The following SMAP2 variants were observed in gnomAD, a reference collection of about 807,000 sequenced individuals.
SMAP2 encodes the protein stromal membrane-associated protein 2.
SMAP2 carries 25 observed loss-of-function variants against 56.4 expected under a neutral mutation model. The ratio of observed to expected loss-of-function variants is 0.44; its 90% CI spans 0.32 to 0.62. The LOEUF is 0.62. SMAP2 is among the 20% of genes least tolerant of loss of function. The pLI, the probability that SMAP2 is intolerant of heterozygous loss-of-function variation, is 0.04. For synonymous variants in SMAP2, 157 were observed against 181.7 expected (o/e 0.86, Z 1.09); for missense variants, 388 against 545.6 (o/e 0.71, Z 2.88).
At chr1:40,420,791 A>T (rs946104993) in intron 9 of SMAP2, among the ~76,000 whole-genome samples, 1 of 152,230 alleles carries the variant, frequency 6.6e-6, no homozygotes, top group Non-Finnish European at 1.5e-5. Flanking sequence ...ATTGAGGGGT[A>T]TGCTACAAAA....
At chr1:40,415,978 G>A (rs975513469) in intron 7 of SMAP2, among the ~76,000 whole-genome samples, 198 bp from the exon 8 acceptor site, 4 of 152,100 alleles carry the variant, frequency 2.6e-5, no homozygotes, top group African/African-American at 9.7e-5. Context: ...CACATGTTTT[G>A]GTGAAAGGAA....
At chr1:40,351,825 A>T (rs1418550705) in intron 1 of SMAP2, among the ~76,000 whole-genome samples, 1 of 151,698 alleles carries the variant, frequency 6.6e-6, no homozygotes, top group Admixed American at 6.6e-5. Context: ...TTTAATAGAG[A>T]CATGGCTTTA....
At chr1:40,389,114 C>T (rs1288323987) in intron 1 of SMAP2, among the ~76,000 whole-genome samples, 2 of 152,232 alleles carry the variant, frequency 1.3e-5, no homozygotes, top group Non-Finnish European at 2.9e-5. Flanking sequence ...CGGCTTCATT[C>T]TTGAAGTCAG....
chr1:40,391,148 A>G (rs899671746), intron 1 of SMAP2, among the ~76,000 whole-genome samples: 1 of 152,128 alleles, frequency 6.6e-6, no homozygotes, highest in African/African-American at 2.4e-5. Flanking sequence ...AGACATCAGC[A>G]TTGCCCCTTG....
At chr1:40,377,993 T>C (rs1374776217) in intron 1 of SMAP2, among the ~76,000 whole-genome samples, 2 of 152,240 alleles carry the variant, frequency 1.3e-5, no homozygotes, top group African/African-American at 4.8e-5. Context: ...AGATTACTTA[T>C]AATATCTAAT....
chr1:40,401,777 G>A (rs1317764039), intron 1 of SMAP2, among the ~76,000 whole-genome samples: 1 of 152,176 alleles, frequency 6.6e-6, no homozygotes, highest in East Asian at 1.9e-4. Flanking sequence ...GGAGACATAA[G>A]CCCTAGAGAA....
intron 1 of SMAP2, among the ~76,000 whole-genome samples, chr1:40,345,747 C>T (rs1021556872): frequency 1.3e-5 from 2 of 150,888 alleles, no homozygotes; most frequent in Non-Finnish European, 2.9e-5. Flanking sequence ...TTTTAGAATA[C>T]ATCTATTGTG....
intron 1 of SMAP2, among the ~76,000 whole-genome samples, chr1:40,356,107 C>A (rs1161403942): frequency 6.6e-6 from 1 of 152,160 alleles, no homozygotes; most frequent in Non-Finnish European, 1.5e-5. Context: ...GTGCCTGGCT[C>A]ATTTCACTAA....
intron 1 of SMAP2, among the ~76,000 whole-genome samples, chr1:40,361,329 G>A (rs209589): frequency 0.94 from 143,175 of 152,132 alleles, 67,526 homozygotes; most frequent in Middle Eastern, 0.99. Flanking sequence ...GGCCCCGAAT[G>A]ATCAGCAGCA....
At position 40,402,975 on chromosome 1, in the gene SMAP2, G is replaced by A. The variant is rs936669694; in HGVS notation, c.104-3761G>A. 9.2e-5 allele frequency among the ~76,000 whole-genome samples: 14 copies of A among 152,318 alleles called. 1 individual carries two copies. The highest frequency in any genetic ancestry group is 5.8e-4 in the East Asian group (3 of 5,182). On this transcript the variant is annotated intron_variant, in intron 1 of 9. Coordinates refer to ENST00000372718, the MANE Select transcript of SMAP2 (RefSeq NM_022733.3). ...TGGGCCTTCTTTCTTTGCCTGTGTA[G>A]TGGGGGCATATGCAAGCACAAGGGC...
chr1:40,413,611 A>G (rs1387449748), intron 5 of SMAP2, among the ~76,000 whole-genome samples: 1 of 152,224 alleles, frequency 6.6e-6, no homozygotes, highest in African/African-American at 2.4e-5. Context: ...TAACATAAAA[A>G]CTTGGAATCT....
chr1:40,407,214 G>A (rs1644893599), intron 2 of SMAP2, among the ~76,000 whole-genome samples: 1 of 152,176 alleles, frequency 6.6e-6, no homozygotes, highest in South Asian at 2.1e-4. Context: ...GTCGGGCACG[G>A]TGGCTCATGC....
At chr1:40,391,350 G>A (rs1025332683) in intron 1 of SMAP2, among the ~76,000 whole-genome samples, 4 of 152,166 alleles carry the variant, frequency 2.6e-5, no homozygotes, top group South Asian at 4.1e-4. Flanking sequence ...GGACTTTAAT[G>A]ACCATGTCAA....
At position 40,413,031 on chromosome 1, in the gene SMAP2, A is replaced by G. The variant is rs767316178; in HGVS notation, c.418A>G (p.Lys140Glu). 1 of 1,611,238 alleles carries G rather than the reference A, an allele frequency of 6.2e-7. No homozygotes were observed. Among genetic ancestry groups the G allele is most frequent in the Non-Finnish European group, 8.5e-7 (1 of 1,178,992 alleles). ...INAFRKEKDDKWKRGSEPVPE... is the reference protein window; with the variant it reads ...INAFRKEKDDEWKRGSEPVPE... The stretch of plus-strand genomic sequence containing the variant: ...ATCATTATAGAAAGAAAAAGATGAC[A>G]AGTGGAAAAGAGGGAGCGAACCAGT... The change falls in exon 5 of 10, where the codon AAG (lysine) becomes GAG (glutamate). Residue 140 changes from lysine to glutamate, a missense_variant. By Grantham distance (56) the Lys-to-Glu change is moderately conservative (BLOSUM62 1). Transcript: ENST00000372718.
chr1:40,377,221 G>A (rs751701217), intron 1 of SMAP2, among the ~76,000 whole-genome samples: 1 of 152,238 alleles, frequency 6.6e-6, no homozygotes, highest in Non-Finnish European at 1.5e-5. Flanking sequence ...CTGAGCCCAG[G>A]AGGTCGAAGC....
intron 1 of SMAP2, among the ~76,000 whole-genome samples, chr1:40,356,398 G>GT (rs749954980): frequency 0.035 from 5,116 of 146,946 alleles, 100 homozygotes; most frequent in East Asian, 0.072. Context: ...TTTTTTGTGG[G>GT]TTTTTTGTTT....
At position 40,416,159 on chromosome 1, in the gene SMAP2, G is replaced by T; in HGVS notation, c.682-17G>T. 1 of 1,606,124 alleles carries T rather than the reference G, an allele frequency of 6.2e-7. No homozygotes were observed. The highest frequency in any genetic ancestry group is 8.5e-7 in the Non-Finnish European group (1 of 1,175,950). ...TGAGAACCATTTCAATTCTCCCCCCGCCCTCTTTGCCCTAAGGTTGTAGGT... is the reference window on the plus strand; with the variant it reads ...TGAGAACCATTTCAATTCTCCCCCCTCCCTCTTTGCCCTAAGGTTGTAGGT... On this transcript the variant is annotated splice_polypyrimidine_tract_variant and intron_variant, in intron 7 of 9. Transcript: ENST00000372718.
chr1:40,365,217 C>A (rs1032278132), intron 2 of SMAP2: 1 of 153,280 alleles, frequency 6.5e-6, no homozygotes, highest in African/African-American at 2.4e-5. Flanking sequence ...GTAACCTCAG[C>A]ACTTTGGGAG....
At chr1:40,347,691 A>G (rs1404263164) in intron 1 of SMAP2, among the ~76,000 whole-genome samples, 3 of 151,950 alleles carry the variant, frequency 2.0e-5, no homozygotes, top group Non-Finnish European at 4.4e-5. Context: ...TTCTTTGTTC[A>G]TTTTTTTGTT....
Sources: gnomAD v4.1 joint callset for allele counts (sites outside exome capture counted in the v4.1 genomes callset) on GRCh38, gnomAD v4.1.1 for gene constraint, MANE v1.5 for transcripts, NCBI Gene and HGNC (gene_info 2026-07-23, HGNC 2026-07-21) for gene names.